The following CSNK2A1 variants were observed in gnomAD, a reference collection of about 807,000 sequenced individuals.
CSNK2A1 encodes the protein casein kinase 2 alpha 1.
CSNK2A1 carries 10 observed loss-of-function variants against 62.9 expected under a neutral mutation model. That is an observed-to-expected ratio of 0.16 (90% CI 0.10 to 0.27). The LOEUF is 0.27. Ranked by LOEUF, CSNK2A1 falls within the 10% of genes least tolerant of loss-of-function variation. CSNK2A1 has a pLI of 1.00. For synonymous variants in CSNK2A1, 124 were observed against 167.8 expected (o/e 0.74, Z 2.02); for missense variants, 160 against 492.0 (o/e 0.33, Z 6.38).
At position 499,970 on chromosome 20, in the gene CSNK2A1, A is replaced by AC; in HGVS notation, c.214-37_214-36insG. ...AAAAGTACATCAGCAAAAAAAAAAA[A>AC]AAAAAATTTTTTCAGAGTATTTCAA... On this transcript the variant is annotated intron_variant, in intron 4 of 13. Coordinates refer to ENST00000217244, the MANE Select transcript of CSNK2A1 (RefSeq NM_177559.3). The surrounding 1 kb of genome is among the most constrained non-coding windows in gnomAD (Gnocchi z 4.2). 6.4e-7 allele frequency: 1 copy of AC among 1,561,496 alleles called. No individual in the cohort carries two copies. The highest frequency in any genetic ancestry group is 1.2e-5 in the South Asian group (1 of 86,210).
At position 478,517 on chromosome 20, in the gene CSNK2A1, G is replaced by T; in HGVS notation, c.*5444C>A. On this transcript the variant is annotated 3_prime_UTR_variant, in exon 14 of 14. Transcript: ENST00000217244. Reference sequence around the variant, plus strand: ...CTGTCAAAGCAGATGATGCAAGAGTGAAGCTGACTCAGAAATACTCAATCC... The same window carrying T: ...CTGTCAAAGCAGATGATGCAAGAGTTAAGCTGACTCAGAAATACTCAATCC... 4.2e-6 allele frequency: 1 copy of T among 240,236 alleles called. No individual in the cohort carries two copies. Among genetic ancestry groups the T allele is most frequent in the Non-Finnish European group, 8.6e-6 (1 of 116,860 alleles). The allele number at this position is 240,236 out of a possible 1,614,324, so 14.9% of individuals were successfully genotyped here.
chr20:485,593 T>C (rs1265313940), intron 13 of CSNK2A1, among the ~76,000 whole-genome samples: 1 of 152,248 alleles, frequency 6.6e-6, no homozygotes, highest in Admixed American at 6.5e-5. Context: ...GGATATACCA[T>C]AACTGATTTA....
chr20:532,423 C>T (rs1303468089), intron 1 of CSNK2A1, among the ~76,000 whole-genome samples: 3 of 151,350 alleles, frequency 2.0e-5, no homozygotes, highest in Non-Finnish European at 4.4e-5. Context: ...GTGATCTGCC[C>T]GCCTCGGCCT....
At chr20:508,786 T>C (rs1459923057) in intron 2 of CSNK2A1, 126 bp from the exon 3 acceptor site, 3 of 444,896 alleles carry the variant, frequency 6.7e-6, no homozygotes, top group African/African-American at 4.0e-5. Context: ...CCAATAAATA[T>C]AGCTCAACTG....
chr20:500,083 T>C lies in CSNK2A1; in HGVS notation c.214-149A>G, dbSNP rs2018429317. On this transcript the variant is annotated intron_variant, in intron 4 of 13. Coordinates refer to ENST00000217244, the MANE Select transcript of CSNK2A1 (RefSeq NM_177559.3). ...TGTGTCACATTCGTCTCTGAATCCT[T>C]CTCCTAGCACTGTGCCAGGTATTCT... 3 of 636,308 alleles carry C rather than the reference T, an allele frequency of 4.7e-6. No homozygotes were observed. In the African/African-American group the frequency reaches 5.5e-5, roughly 12 times the overall value. The allele number at this position is 636,308 out of a possible 1,614,324, so 39.4% of individuals were successfully genotyped here.
At chr20:515,759 G>A (rs2018817101) in intron 2 of CSNK2A1, among the ~76,000 whole-genome samples, 2 of 152,188 alleles carry the variant, frequency 1.3e-5, no homozygotes, top group Admixed American at 1.3e-4. Context: ...AGCACGTTCA[G>A]TAAACACTAT....
At chr20:514,519 C>T (rs980726490) in intron 2 of CSNK2A1, among the ~76,000 whole-genome samples, 17 of 151,856 alleles carry the variant, frequency 1.1e-4, no homozygotes, top group African/African-American at 4.1e-4. Flanking sequence ...TCACTGAAAC[C>T]TCCACCTCAT....
At chr20:526,968 T>TGAGAGA (rs1158363876) in intron 2 of CSNK2A1, 1 of 51,366 alleles carries the variant, frequency 1.9e-5, no homozygotes, top group Non-Finnish European at 4.2e-5. Flanking sequence ...AAAGAAAGAA[T>TGAGAGA]GAGAGAGAGA....
intron 2 of CSNK2A1, among the ~76,000 whole-genome samples, chr20:519,664 C>A (rs2018903643): frequency 6.6e-6 from 1 of 152,114 alleles, no homozygotes; most frequent in Non-Finnish European, 1.5e-5. Context: ...TAGTTTAATA[C>A]CTGCAGTGTG....
intron 8 of CSNK2A1, 71 bp downstream of exon 8, chr20:495,648 G>T: frequency 3.0e-6 from 4 of 1,321,080 alleles, no homozygotes; most frequent in South Asian, 1.2e-5. Context: ...CAACACAAGG[G>T]ATAAAGTGTT....
chr20:487,816 T>C, intron 11 of CSNK2A1: 1 of 560,138 alleles, frequency 1.8e-6, no homozygotes, highest in East Asian at 3.1e-5. Context: ...AGAAACATAA[T>C]TCAGGTTACT....
At chr20:494,985 T>C (rs1176347361) in intron 8 of CSNK2A1, 1 of 152,224 alleles carries the variant, frequency 6.6e-6, no homozygotes, top group Non-Finnish European at 1.5e-5. Flanking sequence ...CCATTCCCTA[T>C]TCGTTTTTTC....
chr20:502,241 A>T (rs2018486140), intron 4 of CSNK2A1: 1 of 152,192 alleles, frequency 6.6e-6, no homozygotes, highest in African/African-American at 2.4e-5. Flanking sequence ...TACAATATCT[A>T]CCTAAGAAAC....
chr20:486,995 G>C (rs371408880), intron 12 of CSNK2A1: 47 of 192,768 alleles, frequency 2.4e-4, no homozygotes, highest in African/African-American at 1.1e-3. Flanking sequence ...AGTGCAGATG[G>C]GGTGGGTCTC....
chr20:499,354 C>A lies in CSNK2A1; in HGVS notation c.316-49G>T, dbSNP rs181597707. On this transcript the variant is annotated intron_variant, in intron 5 of 13. Transcript: ENST00000217244. The surrounding 1 kb of genome is among the most constrained non-coding windows in gnomAD (Gnocchi z 4.2). ...AAACACACATTAGCAATAGCCCTGA[C>A]AGCTTTAATGGGGACAATGTTTGCG... 7.0e-5 allele frequency: 109 copies of A among 1,567,000 alleles called. No individual in the cohort carries two copies. Among genetic ancestry groups the A allele is most frequent in the Non-Finnish European group, 9.1e-5 (104 of 1,148,542 alleles).
intron 2 of CSNK2A1, among the ~76,000 whole-genome samples, chr20:517,637 G>T (rs2018854528): frequency 6.6e-6 from 1 of 152,114 alleles, no homozygotes; most frequent in Non-Finnish European, 1.5e-5. Flanking sequence ...GTACGCACAG[G>T]AATTATTCAG....
At position 543,760 on chromosome 20, in the gene CSNK2A1, G is replaced by C. The variant is rs1055151101; in HGVS notation, c.-315C>G. On this transcript the variant is annotated 5_prime_UTR_variant, in exon 1 of 14. Transcript: ENST00000217244. Reference sequence around the variant, plus strand: ...CGATGGAGGAGGAGACACACGGCTCGGCCGCCAGCCGCAGGGACCAGAGCG... The same window carrying C: ...CGATGGAGGAGGAGACACACGGCTCCGCCGCCAGCCGCAGGGACCAGAGCG... The C allele has an allele frequency of 7.5e-6, 3 of 398,302 alleles. No homozygotes were observed. Among genetic ancestry groups the C allele is most frequent in the Non-Finnish European group, 1.3e-5 (3 of 225,980 alleles). 24.7% of individuals were successfully genotyped at this position (398,302 alleles called of 1,614,324 possible). A position where few individuals can be genotyped will look rare whatever the true frequency, so the allele number is the denominator to read the frequency against.
intron 6 of CSNK2A1, chr20:498,090 T>C: frequency 4.1e-6 from 1 of 246,752 alleles, no homozygotes; most frequent in African/African-American, 2.3e-5. Context: ...TCATGTATCT[T>C]CAGACCTTCT....
intron 4 of CSNK2A1, 31 bp downstream of exon 4, chr20:505,086 CA>C: frequency 6.5e-7 from 1 of 1,549,050 alleles, no homozygotes; most frequent in Non-Finnish European, 8.7e-7. Context: ...ATCTATATTC[CA>C]AATACCTCTG....
Sources: gnomAD v4.1 joint callset for allele counts (sites outside exome capture counted in the v4.1 genomes callset) on GRCh38, gnomAD v4.1.1 for gene constraint, Gnocchi (gnomAD v3.1) non-coding constraint, MANE v1.5 for transcripts, NCBI Gene and HGNC (gene_info 2026-07-23, HGNC 2026-07-21) for gene names.